The following SGCZ variants were observed in gnomAD, a reference collection of about 807,000 sequenced individuals.
SGCZ encodes the protein sarcoglycan zeta.
In SGCZ, 40 loss-of-function variants were observed where a neutral mutation model predicts 41.3. That is an observed-to-expected ratio of 0.97 (90% CI 0.75 to 1.26). SGCZ has a LOEUF of 1.26. Among genes scored for constraint, SGCZ ranks in the 50% most tolerant of loss-of-function variants. The pLI is 0.00. For missense variants in SGCZ, 552 were observed against 369.8 expected (o/e 1.49, Z -4.04); for synonymous variants, 206 against 137.5 (o/e 1.50, Z -3.49).
At chr8:14,994,720 T>G (rs1370394283) in intron 1 of SGCZ, among the ~76,000 whole-genome samples, 3 of 152,212 alleles carry the variant, frequency 2.0e-5, no homozygotes, top group Non-Finnish European at 2.9e-5. Flanking sequence ...TCTACTCATC[T>G]GACTCAATGA....
intron 1 of SGCZ, among the ~76,000 whole-genome samples, chr8:14,795,189 G>A (rs1801084122): frequency 6.6e-6 from 1 of 152,162 alleles, no homozygotes; most frequent in African/African-American, 2.4e-5. Flanking sequence ...TAGGATACAT[G>A]TGAAAGATAT....
intron 5 of SGCZ, among the ~76,000 whole-genome samples, chr8:14,156,971 TA>T (rs1205505539): frequency 1.3e-5 from 2 of 152,142 alleles, no homozygotes; most frequent in East Asian, 1.9e-4. Context: ...AAAATAATGA[TA>T]AAAAACTACA....
chr8:14,531,777 T>A (rs543761176), intron 2 of SGCZ, among the ~76,000 whole-genome samples: 1 of 152,178 alleles, frequency 6.6e-6, no homozygotes, highest in African/African-American at 2.4e-5. Flanking sequence ...TATCCCAAAC[T>A]TCTAAGACCA....
chr8:14,962,754 A>G (rs535924517), intron 1 of SGCZ, among the ~76,000 whole-genome samples: 1 of 152,218 alleles, frequency 6.6e-6, no homozygotes, highest in Non-Finnish European at 1.5e-5. Flanking sequence ...ATAAGGATCA[A>G]TGCAACAAAT....
At chr8:14,312,403 T>A (rs180834668) in intron 3 of SGCZ, among the ~76,000 whole-genome samples, 3 of 152,154 alleles carry the variant, frequency 2.0e-5, no homozygotes, top group Non-Finnish European at 4.4e-5. Context: ...CCCACGTACA[T>A]GCAAATATGT....
intron 2 of SGCZ, among the ~76,000 whole-genome samples, chr8:14,378,000 G>C (rs1665291610): frequency 6.7e-6 from 1 of 149,628 alleles, no homozygotes; most frequent in Non-Finnish European, 1.5e-5. Context: ...ACGTGTGCAT[G>C]TGTCTTTATA....
At position 14,694,236 on chromosome 8, in the gene SGCZ, C is replaced by G. The variant is rs114916811; in HGVS notation, c.40-139310G>C. Among the ~76,000 whole-genome samples, 1,284 of 152,284 alleles carry G rather than the reference C, an allele frequency of 8.4e-3. 16 individuals are homozygous for G. Among genetic ancestry groups the G allele is most frequent in the Middle Eastern group, 0.031 (9 of 294 alleles). On this transcript the variant is annotated intron_variant, in intron 1 of 7. Coordinates refer to ENST00000382080, the MANE Select transcript of SGCZ (RefSeq NM_139167.4). ...GGTCCCACTGGCAAGGCTATCTCAA[C>G]AGATCTATTTACCTGAACCTTATTA...
chr8:15,051,688 G>C (rs1804519233), intron 1 of SGCZ, among the ~76,000 whole-genome samples: 1 of 152,050 alleles, frequency 6.6e-6, no homozygotes, highest in South Asian at 2.1e-4. Flanking sequence ...AAAAAATTTA[G>C]CTATCACCCT....
chr8:14,189,163 T>C (rs1003851974), intron 4 of SGCZ, among the ~76,000 whole-genome samples: 1 of 152,020 alleles, frequency 6.6e-6, no homozygotes, highest in Non-Finnish European at 1.5e-5. Flanking sequence ...CTGGCCCCTC[T>C]TGTGTCTTCT....
At chr8:14,869,608 G>T (rs187307852) in intron 1 of SGCZ, among the ~76,000 whole-genome samples, 1 of 152,170 alleles carries the variant, frequency 6.6e-6, no homozygotes. Flanking sequence ...GCAAGAGAAA[G>T]AAATGAAGTG....
At chr8:14,739,925 C>T (rs1023735048) in intron 1 of SGCZ, among the ~76,000 whole-genome samples, 7 of 151,908 alleles carry the variant, frequency 4.6e-5, no homozygotes, top group African/African-American at 1.7e-4. Flanking sequence ...ATAGAGGAGG[C>T]GTAATTTAGT....
chr8:14,514,572 C>CAT (rs1202489936), intron 2 of SGCZ, among the ~76,000 whole-genome samples: 1 of 150,830 alleles, frequency 6.6e-6, no homozygotes, highest in Non-Finnish European at 1.5e-5. Context: ...TGTTCCCTCT[C>CAT]ATACATATAT....
At chr8:15,235,576 G>T (rs1802093991) in intron 1 of SGCZ, among the ~76,000 whole-genome samples, 1 of 152,116 alleles carries the variant, frequency 6.6e-6, no homozygotes, top group African/African-American at 2.4e-5. Context: ...AGGATCTCTG[G>T]ATTATCTGTG....
chr8:14,177,995 T>A (rs541578870), intron 4 of SGCZ, among the ~76,000 whole-genome samples: 3 of 112,814 alleles, frequency 2.7e-5, no homozygotes, highest in African/African-American at 9.4e-5. Flanking sequence ...TCTCACTCTG[T>A]CACCCAGGCT....
Position 14,683,666 on chromosome 8 carries a change from T to C in SGCZ, c.40-128740A>G, listed in dbSNP as rs139327134. On this transcript the variant is annotated intron_variant, in intron 1 of 7. Transcript: ENST00000382080. ...TTGGAAATTAATTTTACATCAAATA[T>C]ACCATAACAAAATAACATAGTACAA... 8.1e-4 allele frequency among the ~76,000 whole-genome samples: 124 copies of C among 152,250 alleles called. 1 individual carries two copies. In the East Asian group the frequency reaches 0.023, roughly 28 times the overall value.
At chr8:14,348,062 C>T (rs143433251) in intron 2 of SGCZ, among the ~76,000 whole-genome samples, 11 of 152,134 alleles carry the variant, frequency 7.2e-5, no homozygotes, top group African/African-American at 9.6e-5. Flanking sequence ...AAACCAGGCA[C>T]GGAGACCCAG....
chr8:14,752,566 C>G (rs1246958799), intron 1 of SGCZ, among the ~76,000 whole-genome samples: 1 of 152,146 alleles, frequency 6.6e-6, no homozygotes. Flanking sequence ...AGTACGCACT[C>G]TCCTGTACAT....
intron 2 of SGCZ, among the ~76,000 whole-genome samples, chr8:14,454,065 G>C (rs1261986118): frequency 6.6e-6 from 1 of 152,120 alleles, no homozygotes; most frequent in Non-Finnish European, 1.5e-5. Flanking sequence ...CCTTCCAGTT[G>C]CTATCTACGA....
At chr8:14,522,488 T>G (rs1336650502) in intron 2 of SGCZ, among the ~76,000 whole-genome samples, 1 of 152,020 alleles carries the variant, frequency 6.6e-6, no homozygotes, top group Non-Finnish European at 1.5e-5. Flanking sequence ...ATAATTCGTC[T>G]ATTTCAACTA....
Sources: gnomAD v4.1 joint callset for allele counts (sites outside exome capture counted in the v4.1 genomes callset) on GRCh38, gnomAD v4.1.1 for gene constraint, MANE v1.5 for transcripts, NCBI Gene and HGNC (gene_info 2026-07-23, HGNC 2026-07-21) for gene names.